SLC5A1: variants seen among roughly 807,000 people sequenced by gnomAD.
SLC5A1 encodes the protein solute carrier family 5 member 1, also known as sodium/glucose cotransporter 1.
Under a neutral mutation model 73.5 loss-of-function variants are expected in SLC5A1, and 42 were observed. The ratio of observed to expected loss-of-function variants is 0.57; its 90% confidence interval spans 0.45 to 0.74. The LOEUF (loss-of-function observed/expected upper bound fraction) is 0.74, where lower values mean the gene tolerates loss of function less well. SLC5A1 is among the 30% of genes least tolerant of loss of function. The pLI is 0.00. For synonymous variants in SLC5A1, 300 were observed against 317.4 expected (o/e 0.95, Z 0.58); for missense variants, 634 against 855.4 (o/e 0.74, Z 3.23).
intron 11 of SLC5A1, among the ~76,000 whole-genome samples, chr22:32,093,139 C>T (rs1365984522): frequency 6.6e-6 from 1 of 152,090 alleles, no homozygotes; most frequent in Non-Finnish European, 1.5e-5. Flanking sequence ...TCTGGGTTCT[C>T]TCATTCTGTT....
Position 32,104,892 on chromosome 22 carries a change from G to C in SLC5A1, c.1771+1G>C. 6.2e-7 allele frequency: 1 copy of C among 1,603,976 alleles called. No individual in the cohort carries two copies. Among genetic ancestry groups the C allele is most frequent in the Non-Finnish European group, 8.5e-7 (1 of 1,170,744 alleles). On this transcript the variant is annotated splice_donor_variant, in intron 14 of 14. Coordinates refer to ENST00000266088, the MANE Select transcript of SLC5A1 (RefSeq NM_000343.4). LOFTEE classifies it high-confidence loss of function. ...GGCCCTAAGGAGACCATTGAAATAGGTGACTTATGACCCAGAGCAGATCCT... is the reference window on the plus strand; with the variant it reads ...GGCCCTAAGGAGACCATTGAAATAGCTGACTTATGACCCAGAGCAGATCCT...
In SLC5A1 at chr22:32,075,140, C is replaced by T. The variant is rs184945927; in HGVS notation, c.477+6540C>T. 3.3e-3 allele frequency among the ~76,000 whole-genome samples: 490 copies of T among 148,132 alleles called. 2 individuals carry two copies. The highest frequency in any genetic ancestry group is 0.014 in the Middle Eastern group (4 of 288). On this transcript the variant is annotated intron_variant, in intron 5 of 14. Coordinates refer to ENST00000266088, the MANE Select transcript of SLC5A1 (RefSeq NM_000343.4). ...TTACCCAGGCTGGTCTTGAACTCCTCGCCTCAAGTGATCCTCTTGCCTTGA... is the reference window on the plus strand; with the variant it reads ...TTACCCAGGCTGGTCTTGAACTCCTTGCCTCAAGTGATCCTCTTGCCTTGA...
intron 7 of SLC5A1, among the ~76,000 whole-genome samples, chr22:32,084,125 G>A (rs117154503): frequency 6.6e-5 from 10 of 152,340 alleles, no homozygotes; most frequent in Non-Finnish European, 1.2e-4. Flanking sequence ...TTTGTATGTG[G>A]TCCCAAACCA....
At chr22:32,086,140 C>CAA (rs374963859) in intron 9 of SLC5A1, 80 bp from the exon 10 acceptor site, 888 of 763,396 alleles carry the variant, frequency 1.2e-3, no homozygotes, top group East Asian at 1.4e-3. Context: ...GACTCCGTCT[C>CAA]AAAAAAAAAA....
intron 2 of SLC5A1, among the ~76,000 whole-genome samples, chr22:32,056,203 T>C (rs1216569012): frequency 6.6e-6 from 1 of 152,036 alleles, no homozygotes; most frequent in African/African-American, 2.4e-5. Context: ...TGATTTTTAG[T>C]AGAGGTGAGG....
At chr22:32,076,407 A>T (rs1212253075) in intron 5 of SLC5A1, among the ~76,000 whole-genome samples, 1 of 152,196 alleles carries the variant, frequency 6.6e-6, no homozygotes, top group Non-Finnish European at 1.5e-5. Context: ...TCTTATGCAA[A>T]TGTGCACAAT....
Position 32,081,924 on chromosome 22 carries a change from T to C in SLC5A1, c.536T>C (p.Leu179Ser), listed in dbSNP as rs2149491664. The stretch of plus-strand genomic sequence containing the variant: ...CTGGCCTTAGGCCTGAATCTGTATT[T>C]AGCCATCTTTCTCTTATTGGCAATC... ...INLALGLNLY[L>S]AIFLLLAITA... is the part of the protein sequence containing the mutation. The change falls in exon 6 of 15, where the codon TTA becomes TCA. Residue 179 changes from leucine to serine, a missense_variant. Coordinates refer to ENST00000266088, the MANE Select transcript of SLC5A1 (RefSeq NM_000343.4). 3 of 1,613,878 alleles carry C rather than the reference T, an allele frequency of 1.9e-6. No homozygotes were observed. Among genetic ancestry groups the C allele is most frequent in the Non-Finnish European group, 2.5e-6 (3 of 1,179,808 alleles).
intron 9 of SLC5A1, among the ~76,000 whole-genome samples, chr22:32,085,326 A>G (rs867407802): frequency 1.3e-5 from 2 of 151,420 alleles, no homozygotes; most frequent in Admixed American, 6.6e-5. Context: ...GGATTTTGCT[A>G]TGTTGCTCAG....
chr22:32,047,040 T>C (rs2093938066), intron 1 of SLC5A1, among the ~76,000 whole-genome samples: 1 of 152,220 alleles, frequency 6.6e-6, no homozygotes, highest in Non-Finnish European at 1.5e-5. Context: ...AAAAAAATTG[T>C]AATGGCTGTG....
chr22:32,087,152 G>A (rs1323138397), intron 10 of SLC5A1, among the ~76,000 whole-genome samples: 1 of 152,072 alleles, frequency 6.6e-6, no homozygotes, highest in African/African-American at 2.4e-5. Flanking sequence ...TCAGTTAAGA[G>A]GAATAAGTTC....
chr22:32,081,810 G>C (rs1235853709), intron 5 of SLC5A1, 56 bp from the exon 6 acceptor site: 1 of 1,041,856 alleles, frequency 9.6e-7, no homozygotes, highest in African/African-American at 1.6e-5. Context: ...GAGACTACAG[G>C]CCCTGTAGGC....
chr22:32,067,565 C>A (rs1338382299), intron 3 of SLC5A1, among the ~76,000 whole-genome samples: 1 of 151,702 alleles, frequency 6.6e-6, no homozygotes, highest in Non-Finnish European at 1.5e-5. Flanking sequence ...AGAAGCAGGG[C>A]CTCACTATAT....
Position 32,099,305 on chromosome 22 carries a change from C to A in SLC5A1, c.1403C>A (p.Ala468Glu), listed in dbSNP as rs200406921. ...ACCAGTTACTTGGGACCACCCATTG[C>A]GGCTGTCTTCCTGCTTGCTATTTTC... is the stretch of plus-strand genomic sequence containing the variant. ...SITSYLGPPIAAVFLLAIFWK... is the reference protein window; with the variant it reads ...SITSYLGPPIEAVFLLAIFWK... Residue 468 changes from alanine to glutamate, a missense_variant, in exon 12 of 15, where the codon GCG (alanine) becomes GAG (glutamate). This residue lies in a region of SLC5A1 where 422 missense variants were observed against 626.1 expected (regional missense o/e 0.67). Coordinates refer to ENST00000266088, the MANE Select transcript of SLC5A1 (RefSeq NM_000343.4). 51 of 1,613,280 alleles carry A rather than the reference C, an allele frequency of 3.2e-5. No individual in the cohort carries two copies. The highest frequency in any genetic ancestry group is 4.2e-5 in the Non-Finnish European group (50 of 1,179,668).
chr22:32,067,545 A>T (rs903554451), intron 3 of SLC5A1, among the ~76,000 whole-genome samples: 1 of 151,576 alleles, frequency 6.6e-6, no homozygotes, highest in African/African-American at 2.4e-5. Context: ...CGAATTTTTT[A>T]ATTTTTTGTA....
chr22:32,092,438 C>T (rs938896312), intron 11 of SLC5A1, among the ~76,000 whole-genome samples: 4 of 152,052 alleles, frequency 2.6e-5, no homozygotes, highest in African/African-American at 2.4e-5. Context: ...TTTTGTATAA[C>T]GACTTCTTTT....
chr22:32,068,722 T>A, intron 5 of SLC5A1, 122 bp downstream of exon 5: 1 of 730,548 alleles, frequency 1.4e-6, no homozygotes, highest in Non-Finnish European at 2.4e-6. Flanking sequence ...TTAAGCCTTC[T>A]TGCGCCTTGG....
Position 32,092,777 on chromosome 22 carries a change from G to A in SLC5A1, c.1280+1015G>A, listed in dbSNP as rs573161042. On this transcript the variant is annotated intron_variant, in intron 11 of 14. Coordinates refer to ENST00000266088, the MANE Select transcript of SLC5A1 (RefSeq NM_000343.4). ...GGGTTGCCCGTTTACTCTGCTAACTGTTCCTTTTGCTGTGCAGAAGCTCTT... is the reference window on the plus strand; with the variant it reads ...GGGTTGCCCGTTTACTCTGCTAACTATTCCTTTTGCTGTGCAGAAGCTCTT... Among the ~76,000 whole-genome samples, 3 of 152,272 alleles carry A rather than the reference G, an allele frequency of 2.0e-5. No individual in the cohort carries two copies. In the East Asian group the frequency reaches 5.8e-4, roughly 29 times the overall value.
chr22:32,091,733 A>G lies in SLC5A1; in HGVS notation c.1251A>G (p.Ala417=), dbSNP rs1183182869. Residue 417 remains alanine (A), a synonymous_variant, in exon 11 of 15, where the codon GCA becomes GCG. Coordinates refer to ENST00000266088, the MANE Select transcript of SLC5A1 (RefSeq NM_000343.4). ...MDIYAKVRKR[A]SEKELMIAGR... ...TCTACGCCAAGGTCCGCAAGAGAGC[A>G]TCTGAGAAAGAGCTCATGATTGCCG... The G allele has an allele frequency of 6.2e-7, 1 of 1,614,020 alleles. No homozygotes were observed. Among genetic ancestry groups the G allele is most frequent in the African/African-American group, 1.3e-5 (1 of 74,992 alleles).
At chr22:32,070,569 A>G (rs1203767088) in intron 5 of SLC5A1, among the ~76,000 whole-genome samples, 1 of 151,976 alleles carries the variant, frequency 6.6e-6, no homozygotes, top group East Asian at 1.9e-4. Flanking sequence ...CCTGGACTCA[A>G]GCAATTCTTC....
Sources: allele counts gnomAD v4.1 joint callset (sites outside exome capture counted in the v4.1 genomes callset), GRCh38; gene constraint gnomAD v4.1.1; regional missense constraint gnomAD v4.1.1; transcripts MANE v1.5; gene names NCBI Gene and HGNC (gene_info 2026-07-23, HGNC 2026-07-21).